The following ETV6 variants were observed in gnomAD, a reference collection of about 807,000 sequenced individuals.
The protein encoded by ETV6 is ETS variant transcription factor 6, also known as transcription factor ETV6.
ETV6 carries 16 observed loss-of-function variants against 51.1 expected under a neutral mutation model. The observed-to-expected ratio is 0.31, with a 90% CI of 0.21 to 0.48. The LOEUF is 0.48. ETV6 is among the 20% of genes least tolerant of loss of function. The pLI, the probability that ETV6 is intolerant of heterozygous loss-of-function variation, is 0.99. For missense variants in ETV6, 458 were observed against 594.8 expected, an observed-to-expected ratio of 0.77 and a Z score of 2.39; for synonymous variants, 240 against 224.1, an observed-to-expected ratio of 1.07 and a Z score of -0.64.
Position 11,851,235 on chromosome 12 carries a change from CT to C in ETV6, c.329-2181del, listed in dbSNP as rs34416101. 1.8e-3 allele frequency among the ~76,000 whole-genome samples: 266 copies of C among 147,330 alleles called. 1 individual carries two copies. The highest frequency in any genetic ancestry group is 4.4e-3 in the African/African-American group (178 of 40,254). On this transcript the variant is annotated intron_variant, in intron 3 of 7. Transcript: ENST00000396373. ...AAAATGGATACACTAATTACTGGACCTTTTTTTTTTTAGTAATAGTAATCAT... is the reference window on the plus strand; with the variant it reads ...AAAATGGATACACTAATTACTGGACCTTTTTTTTTTAGTAATAGTAATCAT...
intron 1 of ETV6, among the ~76,000 whole-genome samples, chr12:11,699,643 G>A (rs1864942401): frequency 6.6e-6 from 1 of 152,162 alleles, no homozygotes; most frequent in Non-Finnish European, 1.5e-5. Context: ...TGATTATTGA[G>A]CTTTTTCATG....
chr12:11,749,373 A>G (rs1865978467), intron 1 of ETV6, among the ~76,000 whole-genome samples: 1 of 151,054 alleles, frequency 6.6e-6, no homozygotes, highest in Admixed American at 6.6e-5. Context: ...TAATGTTAAA[A>G]GAAAGAAAGC....
At chr12:11,801,211 C>T (rs1246836045) in intron 2 of ETV6, among the ~76,000 whole-genome samples, 1 of 152,214 alleles carries the variant, frequency 6.6e-6, no homozygotes, top group Non-Finnish European at 1.5e-5. Context: ...GACCTCTCAG[C>T]TGACCAATTC....
At position 11,699,619 on chromosome 12, in the gene ETV6, C is replaced by T. The variant is rs537568299; in HGVS notation, c.33+49459C>T. Among the ~76,000 whole-genome samples the T allele has an allele frequency of 7.9e-5, 12 of 152,044 alleles. No homozygotes were observed. In the South Asian group the frequency reaches 1.9e-3, roughly 24 times the overall value. ...ATAAATACAGAGGAGAAATAAAGTG[C>T]GGAGAAGGTTTGTTGATTATTGAGC... On this transcript the variant is annotated intron_variant, in intron 1 of 7. Transcript: ENST00000396373.
chr12:11,723,788 C>T (rs925611288), intron 1 of ETV6, among the ~76,000 whole-genome samples: 1 of 152,182 alleles, frequency 6.6e-6, no homozygotes, highest in African/African-American at 2.4e-5. Flanking sequence ...GACAAGGTGG[C>T]ATCACCAACC....
intron 1 of ETV6, among the ~76,000 whole-genome samples, chr12:11,717,896 G>A (rs915607661): frequency 6.6e-6 from 1 of 152,122 alleles, no homozygotes; most frequent in African/African-American, 2.4e-5. Flanking sequence ...CTAGCTGAGT[G>A]GGCCTGGACT....
chr12:11,746,302 C>T (rs1156363036), intron 1 of ETV6, among the ~76,000 whole-genome samples: 3 of 152,214 alleles, frequency 2.0e-5, no homozygotes, highest in East Asian at 1.9e-4. Flanking sequence ...TCAGTCTGCA[C>T]GCAAATACCA....
chr12:11,788,347 G>C (rs1293502951), intron 2 of ETV6, among the ~76,000 whole-genome samples: 1 of 152,068 alleles, frequency 6.6e-6, no homozygotes, highest in Non-Finnish European at 1.5e-5. Context: ...TCCACAGTGT[G>C]TAACCAAACG....
intron 5 of ETV6, among the ~76,000 whole-genome samples, chr12:11,883,100 A>T (rs1947125674): frequency 6.6e-6 from 1 of 152,102 alleles, no homozygotes; most frequent in Non-Finnish European, 1.5e-5. Context: ...TGCAGTGAAC[A>T]CCTGGAAATT....
At position 11,665,623 on chromosome 12, in the gene ETV6, C is replaced by T. The variant is rs75295654; in HGVS notation, c.33+15463C>T. ...TAATCAGTAGGTATTTATTAAGCTT[C>T]TGTTACGGACTTAATTGGTGCCAGG... is the stretch of plus-strand genomic sequence containing the variant. On this transcript the variant is annotated intron_variant, in intron 1 of 7. Coordinates refer to ENST00000396373, the MANE Select transcript of ETV6 (RefSeq NM_001987.5). 2.8e-3 allele frequency among the ~76,000 whole-genome samples: 429 copies of T among 152,334 alleles called. 2 individuals are homozygous for T. The highest frequency in any genetic ancestry group is 5.3e-3 in the Non-Finnish European group (360 of 68,036).
chr12:11,689,970 A>C (rs205536), intron 1 of ETV6, among the ~76,000 whole-genome samples: 1 of 151,728 alleles, frequency 6.6e-6, no homozygotes, highest in Non-Finnish European at 1.5e-5. Context: ...ACAGATTCAC[A>C]AGGGTGTTCG....
chr12:11,827,894 G>T (rs7134204), intron 2 of ETV6, among the ~76,000 whole-genome samples: 26,531 of 152,170 alleles, frequency 0.17, 2,462 homozygotes, highest in Middle Eastern at 0.29. Context: ...CCTCAGGAGA[G>T]TATCCATGTT....
At position 11,718,632 on chromosome 12, in the gene ETV6, G is replaced by A. The variant is rs760848354; in HGVS notation, c.34-33818G>A. Among the ~76,000 whole-genome samples, 19 of 151,754 alleles carry A rather than the reference G, an allele frequency of 1.3e-4. 1 individual carries two copies. Among genetic ancestry groups the A allele is most frequent in the Non-Finnish European group, 2.5e-4 (17 of 67,966 alleles). ...AAAAAAAAAAAAAAAAAATTAGTTGGGCATGGTGGTGTGTGCCTGTAGTCC... is the reference window on the plus strand; with the variant it reads ...AAAAAAAAAAAAAAAAAATTAGTTGAGCATGGTGGTGTGTGCCTGTAGTCC... On this transcript the variant is annotated intron_variant, in intron 1 of 7. Coordinates refer to ENST00000396373, the MANE Select transcript of ETV6 (RefSeq NM_001987.5).
chr12:11,694,060 G>A (rs1173311942), intron 1 of ETV6, among the ~76,000 whole-genome samples: 1 of 152,222 alleles, frequency 6.6e-6, no homozygotes, highest in East Asian at 1.9e-4. Flanking sequence ...AGGGATGGTG[G>A]TAGAGAAACA....
At chr12:11,846,839 A>G (rs906288382) in intron 3 of ETV6, among the ~76,000 whole-genome samples, 1 of 152,140 alleles carries the variant, frequency 6.6e-6, no homozygotes, top group Non-Finnish European at 1.5e-5. Context: ...AGACAAGTAG[A>G]AGCCATTTGT....
chr12:11,675,399 A>T (rs1405388336), intron 1 of ETV6, among the ~76,000 whole-genome samples: 1 of 152,364 alleles, frequency 6.6e-6, no homozygotes, highest in Non-Finnish European at 1.5e-5. Flanking sequence ...ATACATTTCA[A>T]TCCTTTTGGA....
intron 1 of ETV6, among the ~76,000 whole-genome samples, chr12:11,707,868 A>G (rs1591622810): frequency 6.6e-6 from 1 of 152,192 alleles, no homozygotes; most frequent in East Asian, 1.9e-4. Flanking sequence ...GTTAACTGAG[A>G]AACTGAACTA....
At chr12:11,832,792 G>C (rs552933811) in intron 2 of ETV6, among the ~76,000 whole-genome samples, 2 of 152,356 alleles carry the variant, frequency 1.3e-5, no homozygotes, top group South Asian at 4.1e-4. Flanking sequence ...CCAAAAACCA[G>C]AGTATTTAGA....
chr12:11,894,426 G>C lies in ETV6; in HGVS notation c.*3380G>C, dbSNP rs1299320832. 1 of 233,044 alleles carries C rather than the reference G, an allele frequency of 4.3e-6. No homozygotes were observed. Among genetic ancestry groups the C allele is most frequent in the Non-Finnish European group, 8.5e-6 (1 of 118,024 alleles). The allele number at this position is 233,044 out of a possible 1,614,324, so 14.4% of individuals were successfully genotyped here. On this transcript the variant is annotated 3_prime_UTR_variant, in exon 8 of 8. Coordinates refer to ENST00000396373, the MANE Select transcript of ETV6 (RefSeq NM_001987.5). ...AAGGTAACATGAACTCTAAGATCTT[G>C]ACCCAGGGCGACTTGGTTTTGCTTA...
Sources: allele counts gnomAD v4.1 joint callset (sites outside exome capture counted in the v4.1 genomes callset), GRCh38; gene constraint gnomAD v4.1.1; transcripts MANE v1.5; gene names NCBI Gene and HGNC (gene_info 2026-07-23, HGNC 2026-07-21).